The following OCA2 variants were observed in gnomAD, a reference collection of about 807,000 sequenced individuals.
OCA2 encodes OCA2 melanosomal transmembrane protein, also known as P protein.
In OCA2, 77 loss-of-function variants were observed where a neutral mutation model predicts 100.2. The ratio of observed to expected loss-of-function variants is 0.77; its 90% confidence interval spans 0.64 to 0.93. OCA2 has a LOEUF of 0.93. Among genes scored for constraint, OCA2 ranks in the 40% least tolerant of loss-of-function variants. OCA2 has a pLI of 0.00. For missense variants in OCA2, 1,062 were observed against 1,089.1 expected, an observed-to-expected ratio of 0.98 and a Z score of 0.35; for synonymous variants, 432 against 439.2, an observed-to-expected ratio of 0.98 and a Z score of 0.21.
In OCA2 at chr15:28,037,200, A is replaced by C. The variant is rs556083027; in HGVS notation, c.228-5037T>G. ...GGAGTGGGACCAGCCTGGGAGTGGG[A>C]CCAAGAGAAATCAAGACAGGGCCAG... is the stretch of plus-strand genomic sequence containing the variant. On this transcript the variant is annotated intron_variant, in intron 2 of 23. Coordinates refer to ENST00000354638, the MANE Select transcript of OCA2 (RefSeq NM_000275.3). Among the ~76,000 whole-genome samples the C allele has an allele frequency of 1.9e-3, 293 of 151,856 alleles. 1 individual carries two copies. The highest frequency in any genetic ancestry group is 0.014 in the Middle Eastern group (4 of 294).
In OCA2 at chr15:27,926,369, G is replaced by A. The variant is rs143579167; in HGVS notation, c.1952-115C>T. The A allele has an allele frequency of 1.1e-3, 1,188 of 1,097,146 alleles. 11 individuals are homozygous for A. The African/African-American group carries it at 0.017, about 15-fold the overall frequency. 68.0% of individuals were successfully genotyped at this position (1,097,146 alleles called of 1,614,324 possible). ...AAGAATAATTGTCATACTACAAACC[G>A]CATATATGTAAAATGCATATAATTT... On this transcript the variant is annotated intron_variant, in intron 18 of 23. Coordinates refer to ENST00000354638, the MANE Select transcript of OCA2 (RefSeq NM_000275.3).
intron 23 of OCA2, among the ~76,000 whole-genome samples, chr15:27,765,489 T>G (rs1411418131): frequency 2.2e-4 from 34 of 152,142 alleles, no homozygotes; most frequent in Admixed American, 2.2e-3. Context: ...CCATTTAGAT[T>G]AAGTAAATTT....
At chr15:27,915,424 A>G (rs958802084) in intron 19 of OCA2, among the ~76,000 whole-genome samples, 29 of 152,184 alleles carry the variant, frequency 1.9e-4, no homozygotes, top group Admixed American at 3.9e-4. Context: ...TAAACGGACA[A>G]CCAATGGAAT....
chr15:28,019,569 C>T (rs930174187), intron 6 of OCA2, among the ~76,000 whole-genome samples: 3 of 152,178 alleles, frequency 2.0e-5, no homozygotes, highest in Non-Finnish European at 2.9e-5. Context: ...GGTGGCTTCG[C>T]TATTCACCGG....
chr15:27,777,811 C>A (rs1440986651), intron 23 of OCA2, among the ~76,000 whole-genome samples: 1 of 152,208 alleles, frequency 6.6e-6, no homozygotes, highest in Non-Finnish European at 1.5e-5. Flanking sequence ...CACCTGTCTG[C>A]AGAGGGCCTG....
At chr15:28,081,390 A>C (rs79878851) in intron 2 of OCA2, among the ~76,000 whole-genome samples, 2 of 152,172 alleles carry the variant, frequency 1.3e-5, no homozygotes, top group African/African-American at 4.8e-5. Flanking sequence ...GCAATACTTT[A>C]AATAATATAT....
chr15:27,774,910 C>T (rs1401422223), intron 23 of OCA2, among the ~76,000 whole-genome samples: 4 of 152,166 alleles, frequency 2.6e-5, no homozygotes, highest in East Asian at 1.9e-4. Flanking sequence ...GGCTCCCGAA[C>T]GGTACAGAAA....
intron 18 of OCA2, among the ~76,000 whole-genome samples, chr15:27,943,811 C>T (rs1595692767): frequency 1.3e-5 from 2 of 152,236 alleles, no homozygotes; most frequent in Admixed American, 6.5e-5. Flanking sequence ...CACCTATGAC[C>T]TGGAAGCCCT....
At chr15:27,953,413 C>T (rs1452578963) in intron 17 of OCA2, among the ~76,000 whole-genome samples, 1 of 152,204 alleles carries the variant, frequency 6.6e-6, no homozygotes, top group Non-Finnish European at 1.5e-5. Context: ...CTCATCTTCC[C>T]TGTCGCCTCT....
At chr15:27,799,935 T>G (rs1405232896) in intron 23 of OCA2, among the ~76,000 whole-genome samples, 19 of 151,708 alleles carry the variant, frequency 1.3e-4, no homozygotes, top group Admixed American at 1.2e-3. Context: ...GGAGATGAGA[T>G]CAGGCAGGAA....
chr15:27,797,492 T>C (rs1362983051), intron 23 of OCA2, among the ~76,000 whole-genome samples: 2 of 152,122 alleles, frequency 1.3e-5, no homozygotes, highest in Non-Finnish European at 2.9e-5. Flanking sequence ...TTCCAGTTCA[T>C]GGGCGGCAGG....
At chr15:27,732,322 C>A in the OCA2 span, among the ~76,000 whole-genome samples, 5 of 152,184 alleles carry the variant, frequency 3.3e-5, no homozygotes, top group African/African-American at 1.2e-4. Context: ...CTATCTTCAG[C>A]ACCTGTTGTA....
At chr15:27,881,357 T>C (rs1286077179) in intron 19 of OCA2, among the ~76,000 whole-genome samples, 1 of 152,210 alleles carries the variant, frequency 6.6e-6, no homozygotes, top group Non-Finnish European at 1.5e-5. Context: ...GGTTTTGGTA[T>C]CAGGATGATG....
chr15:28,032,259 T>C, intron 2 of OCA2, 96 bp from the exon 3 acceptor site: 1 of 968,002 alleles, frequency 1.0e-6, no homozygotes, highest in South Asian at 1.3e-5. Flanking sequence ...TGCCCAAGAT[T>C]CAGTGATAAA....
At chr15:27,840,682 C>T (rs1012343841) in intron 23 of OCA2, among the ~76,000 whole-genome samples, 22 of 152,148 alleles carry the variant, frequency 1.4e-4, no homozygotes, top group African/African-American at 4.8e-4. Flanking sequence ...TTGCACCAAA[C>T]GGTGCTAGAG....
intron 4 of OCA2, among the ~76,000 whole-genome samples, chr15:28,025,738 G>C (rs1233976207): frequency 6.6e-6 from 1 of 152,246 alleles, no homozygotes; most frequent in Non-Finnish European, 1.5e-5. Flanking sequence ...GCAGGCACTA[G>C]AGCGTTTTTG....
intron 23 of OCA2, among the ~76,000 whole-genome samples, chr15:27,762,310 C>CA (rs1285391225): frequency 6.6e-6 from 1 of 152,126 alleles, no homozygotes; most frequent in African/African-American, 2.4e-5. Flanking sequence ...GCCCATTGAC[C>CA]AGACCTTGGA....
At chr15:27,750,263 C>T (rs2030022619), downstream of OCA2, among the ~76,000 whole-genome samples, 1 of 152,112 alleles carries the variant, frequency 6.6e-6, no homozygotes, top group African/African-American at 2.4e-5. Flanking sequence ...ACAAATTAAC[C>T]TGTATATTGA....
chr15:28,087,828 G>A (rs1459393915), intron 1 of OCA2, among the ~76,000 whole-genome samples: 3 of 152,142 alleles, frequency 2.0e-5, no homozygotes, highest in South Asian at 2.1e-4. Flanking sequence ...TTGGGAGGCC[G>A]AGGTGGGTGG....
Sources: gnomAD v4.1 joint callset for allele counts (sites outside exome capture counted in the v4.1 genomes callset) on GRCh38, gnomAD v4.1.1 for gene constraint, MANE v1.5 for transcripts, NCBI Gene and HGNC (gene_info 2026-07-23, HGNC 2026-07-21) for gene names.